CRIP2: variants seen among roughly 807,000 people sequenced by gnomAD.
CRIP2 encodes cysteine-rich protein 2.
Under a neutral mutation model 31.3 loss-of-function variants are expected in CRIP2, and 31 were observed. That is an observed-to-expected ratio of 0.99 (90% CI 0.74 to 1.34). CRIP2 has a LOEUF of 1.34. Ranked by LOEUF, CRIP2 falls within the 40% of genes most tolerant of loss-of-function variation. CRIP2 has a pLI of 0.00. For missense variants in CRIP2, 389 were observed against 301.6 expected (o/e 1.29, Z -2.15); for synonymous variants, 177 against 127.2 (o/e 1.39, Z -2.63).
chr14:105,478,975 A>C lies in CRIP2; in HGVS notation c.338-4A>C, dbSNP rs1595456810. The C allele has an allele frequency of 6.5e-7, 1 of 1,542,038 alleles. No individual in the cohort carries two copies. Reference sequence around the variant, plus strand: ...CGCCCCGCCCTGACTCGTGCGCCCCACAGCCTCCAGTGTCACCACTTTCAC... The same window carrying C: ...CGCCCCGCCCTGACTCGTGCGCCCCCCAGCCTCCAGTGTCACCACTTTCAC... On this transcript the variant is annotated splice_region_variant and splice_polypyrimidine_tract_variant and intron_variant, in intron 4 of 7. Coordinates refer to ENST00000329146, the MANE Select transcript of CRIP2 (RefSeq NM_001312.4). This position sits in a 1 kb window ranked among gnomAD's most constrained non-coding sequence, Gnocchi z 4.9.
chr14:105,477,998 C>T (rs2083984656), intron 1 of CRIP2, among the ~76,000 whole-genome samples: 1 of 151,544 alleles, frequency 6.6e-6, no homozygotes, highest in Admixed American at 6.6e-5. Flanking sequence ...ACTAACAGGG[C>T]AGCCCCGGGC....
rs1300796043 is a variant in CRIP2 at position 105,480,058 on chromosome 14, G to A, written c.*405G>A. On this transcript the variant is annotated 3_prime_UTR_variant, in exon 8 of 8. Transcript: ENST00000329146. The stretch of plus-strand genomic sequence containing the variant: ...GTCCCTGGCAGAGGGCTTCCCTCCG[G>A]GATCCCCTGCCTGGTGCCCACACTG... The A allele has an allele frequency of 2.8e-5, 6 of 212,894 alleles. No homozygotes were observed. Among genetic ancestry groups the A allele is most frequent in the African/African-American group, 1.4e-4 (6 of 43,356 alleles). The allele number at this position is 212,894 out of a possible 1,614,324, so 13.2% of individuals were successfully genotyped here. A position where few individuals can be genotyped will look rare whatever the true frequency, so the allele number is the denominator to read the frequency against.
Position 105,478,128 on chromosome 14 carries a change from A to G in CRIP2, c.44-138A>G, listed in dbSNP as rs2083989299. ...CTCAGAAGGAGGGGCAGGGCCCGCC[A>G]GGTGGAAGGAAGGCGCCTGGGAGAC... On this transcript the variant is annotated intron_variant, in intron 1 of 7. Transcript: ENST00000329146. The surrounding 1 kb of genome is among the most constrained non-coding windows in gnomAD (Gnocchi z 4.9). The G allele has an allele frequency of 1.6e-6, 1 of 639,014 alleles. No individual in the cohort carries two copies. The highest frequency in any genetic ancestry group is 2.0e-5 in the South Asian group (1 of 48,914). 39.6% of individuals were successfully genotyped at this position (639,014 alleles called of 1,614,324 possible). A position where few individuals can be genotyped will look rare whatever the true frequency, so the allele number is the denominator to read the frequency against.
rs587683686 is a variant in CRIP2, at chr14:105,478,813, C to A, written c.279C>A (p.Val93=). 1 of 1,431,138 alleles carries A rather than the reference C, an allele frequency of 7.0e-7. No homozygotes were observed. Among genetic ancestry groups the A allele is most frequent in the South Asian group, 1.5e-5 (1 of 67,140 alleles). The allele number at this position is 1,431,138 out of a possible 1,614,324, so 88.7% of individuals were successfully genotyped here. A position where few individuals can be genotyped will look rare whatever the true frequency, so the allele number is the denominator to read the frequency against. Reference sequence around the variant, plus strand: ...CGCAGGTCACCGGCCCCATCGAGGTCCCCGCGGCCCGAGCAGAGGAGCGGA... The same window carrying A: ...CGCAGGTCACCGGCCCCATCGAGGTACCCGCGGCCCGAGCAGAGGAGCGGA... ...EGPQVTGPIE[V]PAARAEERKA... Residue 93 remains valine, a synonymous_variant, in exon 4 of 8, where the codon GTC becomes GTA. Transcript: ENST00000329146. This position sits in a 1 kb window ranked among gnomAD's most constrained non-coding sequence, Gnocchi z 4.9.
rs1286247313 is a variant in CRIP2 at position 105,478,678 on chromosome 14, G to T, written c.197-53G>T. ...AGCGGGCCGTTTTCTGAGATGCCCG[G>T]TGGCCGCGGCCCCCACCCCACGTAC... is the stretch of plus-strand genomic sequence containing the variant. On this transcript the variant is annotated intron_variant, in intron 3 of 7. Coordinates refer to ENST00000329146, the MANE Select transcript of CRIP2 (RefSeq NM_001312.4). This position sits in a 1 kb window ranked among gnomAD's most constrained non-coding sequence, Gnocchi z 4.9. The T allele has an allele frequency of 2.1e-6, 3 of 1,450,152 alleles. No individual in the cohort carries two copies. Among genetic ancestry groups the T allele is most frequent in the Non-Finnish European group, 2.7e-6 (3 of 1,103,472 alleles). 89.8% of individuals were successfully genotyped at this position (1,450,152 alleles called of 1,614,324 possible). A position where few individuals can be genotyped will look rare whatever the true frequency, so the allele number is the denominator to read the frequency against.
At position 105,478,191 on chromosome 14, in the gene CRIP2, GTGGCTGCCAGGTGGGGGCGGAGGGGGTGC is replaced by G; in HGVS notation, c.44-74_44-46del. 1 of 1,227,972 alleles carries G rather than the reference GTGGCTGCCAGGTGGGGGCGGAGGGGGTGC, an allele frequency of 8.1e-7. No individual in the cohort carries two copies. Among genetic ancestry groups the G allele is most frequent in the Non-Finnish European group, 1.1e-6 (1 of 918,690 alleles). The allele number at this position is 1,227,972 out of a possible 1,614,324, so 76.1% of individuals were successfully genotyped here. A position where few individuals can be genotyped will look rare whatever the true frequency, so the allele number is the denominator to read the frequency against. ...GGGACCCCCGGAGCGCGTGGGGGTGGTGGCTGCCAGGTGGGGGCGGAGGGGGTGCGGGGCGCGCCCCGGCCCTGACCCCC... is the reference window on the plus strand; with the variant it reads ...GGGACCCCCGGAGCGCGTGGGGGTGGGGGGCGCGCCCCGGCCCTGACCCCC... On this transcript the variant is annotated intron_variant, in intron 1 of 7. Coordinates refer to ENST00000329146, the MANE Select transcript of CRIP2 (RefSeq NM_001312.4). The surrounding 1 kb of genome is among the most constrained non-coding windows in gnomAD (Gnocchi z 4.9).
Position 105,478,614 on chromosome 14 carries a change from T to C in CRIP2, c.196+107T>C. 1.3e-6 allele frequency: 2 copies of C among 1,512,542 alleles called. No individual in the cohort carries two copies. Among genetic ancestry groups the C allele is most frequent in the Non-Finnish European group, 1.8e-6 (2 of 1,128,220 alleles). The allele number at this position is 1,512,542 out of a possible 1,614,324, so 93.7% of individuals were successfully genotyped here. A position where few individuals can be genotyped will look rare whatever the true frequency, so the allele number is the denominator to read the frequency against. On this transcript the variant is annotated intron_variant, in intron 3 of 7. Coordinates refer to ENST00000329146, the MANE Select transcript of CRIP2 (RefSeq NM_001312.4). The surrounding 1 kb of genome is among the most constrained non-coding windows in gnomAD (Gnocchi z 4.9). The stretch of plus-strand genomic sequence containing the variant: ...GGCCGCCGTGGATCCCCGCCCAGAG[T>C]CCCTGCCACCCTGGAAAGCCTAGTG...
At chr14:105,477,424 G>A (rs2083956475) in intron 1 of CRIP2, 1 of 985,206 alleles carries the variant, frequency 1.0e-6, no homozygotes, top group Non-Finnish European at 1.2e-6. Flanking sequence ...GACCCACGGG[G>A]ACGGGGCCTG....
rs782345127 is a variant in CRIP2 at position 105,478,912 on chromosome 14, C to A, written c.337+41C>A. On this transcript the variant is annotated intron_variant, in intron 4 of 7. Coordinates refer to ENST00000329146, the MANE Select transcript of CRIP2 (RefSeq NM_001312.4). The surrounding 1 kb of genome is among the most constrained non-coding windows in gnomAD (Gnocchi z 4.9). ...GCTGGGGCTGGGGGTTGTGGGCACG[C>A]GCGGGCTGGGGCTGGGGGTTGTGGG... 6.7e-7 allele frequency: 1 copy of A among 1,493,408 alleles called. No homozygotes were observed. Among genetic ancestry groups the A allele is most frequent in the Non-Finnish European group, 8.9e-7 (1 of 1,128,746 alleles). 92.5% of individuals were successfully genotyped at this position (1,493,408 alleles called of 1,614,324 possible). A position where few individuals can be genotyped will look rare whatever the true frequency, so the allele number is the denominator to read the frequency against.
Position 105,479,642 on chromosome 14 carries a change from G to C in CRIP2, c.616G>C (p.Val206Leu). 6.2e-7 allele frequency: 1 copy of C among 1,612,456 alleles called. No homozygotes were observed. The highest frequency in any genetic ancestry group is 1.1e-5 in the South Asian group (1 of 91,018). ...CTATGACCGGGACCCCGAAGGCAAG[G>C]TCCAGCCCTAGGCTACAGCGGCTCT... ...YIYDRDPEGK[V>L]QP The change falls in exon 8 of 8, where the codon GTC (valine) becomes CTC (leucine). Residue 206 changes from valine to leucine, a missense_variant. By Grantham distance (32) the Val-to-Leu change is conservative. Transcript: ENST00000329146.
In CRIP2 at chr14:105,474,996, T is replaced by G. The variant is rs2083901490; in HGVS notation, c.43+91T>G. 7.7e-7 allele frequency: 1 copy of G among 1,302,440 alleles called. No individual in the cohort carries two copies. Among genetic ancestry groups the G allele is most frequent in the Non-Finnish European group, 9.9e-7 (1 of 1,012,172 alleles). 80.7% of individuals were successfully genotyped at this position (1,302,440 alleles called of 1,614,324 possible). A position where few individuals can be genotyped will look rare whatever the true frequency, so the allele number is the denominator to read the frequency against. ...CGCAGAGCCGCGGCGTAACTCGGGG[T>G]GCGCCCGGCCCCGGCCCCGGACCGA... On this transcript the variant is annotated intron_variant, in intron 1 of 7. Transcript: ENST00000329146. The surrounding 1 kb of genome is among the most constrained non-coding windows in gnomAD (Gnocchi z 5.1).
Position 105,478,226 on chromosome 14 carries a change from G to C in CRIP2, c.44-40G>C. 1 of 1,432,818 alleles carries C rather than the reference G, an allele frequency of 7.0e-7. No homozygotes were observed. 88.8% of individuals were successfully genotyped at this position (1,432,818 alleles called of 1,614,324 possible). A position where few individuals can be genotyped will look rare whatever the true frequency, so the allele number is the denominator to read the frequency against. ...GGTGGGGGCGGAGGGGGTGCGGGGC[G>C]CGCCCCGGCCCTGACCCCCCTGCCG... On this transcript the variant is annotated intron_variant, in intron 1 of 7. Transcript: ENST00000329146. This position sits in a 1 kb window ranked among gnomAD's most constrained non-coding sequence, Gnocchi z 4.9.
At chr14:105,474,647 T>TGGCCC, upstream of CRIP2, 1 of 383,120 alleles carries the variant, frequency 2.6e-6, no homozygotes, top group Non-Finnish European at 3.5e-6. The surrounding 1 kb of genome is among the most constrained non-coding windows in gnomAD (Gnocchi z 5.1). Flanking sequence ...GCGCCAGGCC[T>TGGCCC]GGCCCGGCTG....
chr14:105,479,117 C>A lies in CRIP2; in HGVS notation c.407-8C>A. 6.2e-7 allele frequency: 1 copy of A among 1,611,456 alleles called. No homozygotes were observed. The highest frequency in any genetic ancestry group is 8.5e-7 in the Non-Finnish European group (1 of 1,179,408). ...CCGGGGCTCGGCCTCACTCCTCCCC[C>A]TTTCCAGCTGAGAAGGTGACGTCTC... On this transcript the variant is annotated splice_polypyrimidine_tract_variant and splice_region_variant and intron_variant, in intron 5 of 7. Coordinates refer to ENST00000329146, the MANE Select transcript of CRIP2 (RefSeq NM_001312.4).
At chr14:105,473,023 T>C, upstream of CRIP2, 2 of 606,600 alleles carry the variant, frequency 3.3e-6, no homozygotes, top group South Asian at 3.9e-5. Flanking sequence ...GCCAGCCCTG[T>C]CCTCCAGAGC....
In CRIP2 at chr14:105,479,746, C is replaced by T. The variant is rs2084051203; in HGVS notation, c.*93C>T. On this transcript the variant is annotated 3_prime_UTR_variant, in exon 8 of 8. Transcript: ENST00000329146. ...TCTGCTGGGAGAGTGCTCAGCCGCCCAGTCCTGCCTGCAAGCCCAGGGCGA... is the reference window on the plus strand; with the variant it reads ...TCTGCTGGGAGAGTGCTCAGCCGCCTAGTCCTGCCTGCAAGCCCAGGGCGA... The T allele has an allele frequency of 1.5e-6, 2 of 1,374,022 alleles. No individual in the cohort carries two copies. Among genetic ancestry groups the T allele is most frequent in the Admixed American group, 2.0e-5 (1 of 50,588 alleles). The allele number at this position is 1,374,022 out of a possible 1,614,324, so 85.1% of individuals were successfully genotyped here.
Position 105,478,808 on chromosome 14 carries a change from G to C in CRIP2, c.274G>C (p.Glu92Gln). 1 of 1,431,136 alleles carries C rather than the reference G, an allele frequency of 7.0e-7. No individual in the cohort carries two copies. Among genetic ancestry groups the C allele is most frequent in the Non-Finnish European group, 9.1e-7 (1 of 1,101,228 alleles). The allele number at this position is 1,431,136 out of a possible 1,614,324, so 88.7% of individuals were successfully genotyped here. A position where few individuals can be genotyped will look rare whatever the true frequency, so the allele number is the denominator to read the frequency against. ...GGGGCCGCAGGTCACCGGCCCCATC[G>C]AGGTCCCCGCGGCCCGAGCAGAGGA... ...AEGPQVTGPI[E>Q]VPAARAEERK... The change falls in exon 4 of 8, where the codon GAG (glutamate) becomes CAG (glutamine). Residue 92 changes from glutamate (E) to glutamine (Q), a missense_variant. Coordinates refer to ENST00000329146, the MANE Select transcript of CRIP2 (RefSeq NM_001312.4). The surrounding 1 kb of genome is among the most constrained non-coding windows in gnomAD (Gnocchi z 4.9).
rs587701560 is a variant in CRIP2 at position 105,476,541 on chromosome 14, G to A, written c.43+1636G>A. ...CCAATCGATTCTGTGTTCCCAACTC[G>A]GACCCGTAATGTGTGGCCATTGACC... is the stretch of plus-strand genomic sequence containing the variant. On this transcript the variant is annotated intron_variant, in intron 1 of 7. Coordinates refer to ENST00000329146, the MANE Select transcript of CRIP2 (RefSeq NM_001312.4). The A allele has an allele frequency of 1.1e-5, 11 of 985,466 alleles. 1 individual carries two copies. The South Asian group carries it at 3.3e-4, about 29-fold the overall frequency. 61.0% of individuals were successfully genotyped at this position (985,466 alleles called of 1,614,324 possible). A position where few individuals can be genotyped will look rare whatever the true frequency, so the allele number is the denominator to read the frequency against.
intron 1 of CRIP2, among the ~76,000 whole-genome samples, chr14:105,475,590 C>G (rs2083915155): frequency 6.6e-6 from 1 of 152,196 alleles, no homozygotes; most frequent in South Asian, 2.1e-4. Context: ...CTCAAGCAGC[C>G]CAGGTGTCCA....
Sources: gnomAD v4.1 joint callset for allele counts (sites outside exome capture counted in the v4.1 genomes callset) on GRCh38, gnomAD v4.1.1 for gene constraint, Gnocchi (gnomAD v3.1) non-coding constraint, MANE v1.5 for transcripts, NCBI Gene and HGNC (gene_info 2026-07-23, HGNC 2026-07-21) for gene names.